TRDN: variants seen among roughly 807,000 people sequenced by gnomAD.
The protein encoded by TRDN is triadin.
A neutral mutation model predicts 149.7 loss-of-function variants in TRDN; 161 were observed. The ratio of observed to expected loss-of-function variants is 1.08; its 90% CI spans 0.95 to 1.23. TRDN has a LOEUF of 1.23. Ranked by LOEUF, TRDN falls within the 50% of genes most tolerant of loss-of-function variation. The pLI is 0.00. For missense variants in TRDN, 896 were observed against 823.5 expected, an observed-to-expected ratio of 1.09 and a Z score of -1.08; for synonymous variants, 294 against 250.5, an observed-to-expected ratio of 1.17 and a Z score of -1.64.
At chr6:123,359,276 T>C (rs185477217) in intron 20 of TRDN, among the ~76,000 whole-genome samples, 192 of 152,300 alleles carry the variant, frequency 1.3e-3, no homozygotes, top group African/African-American at 4.3e-3. Flanking sequence ...CATAGCATTA[T>C]AGGATTGTTG....
chr6:123,634,198 A>G (rs1404273916), intron 1 of TRDN, among the ~76,000 whole-genome samples: 1 of 152,014 alleles, frequency 6.6e-6, no homozygotes, highest in Admixed American at 6.6e-5. Flanking sequence ...TGGGAGGCAG[A>G]GGCAAGAGAA....
chr6:123,582,840 C>G (rs111679020), intron 1 of TRDN, among the ~76,000 whole-genome samples: 18,523 of 119,710 alleles, frequency 0.15, 1,245 homozygotes, highest in African/African-American at 0.23. Flanking sequence ...GGCGATGTTT[C>G]TCAGGGCTGC....
chr6:123,442,545 CAAA>C (rs1434202710), intron 10 of TRDN, among the ~76,000 whole-genome samples: 1 of 36,430 alleles, frequency 2.7e-5, no homozygotes, highest in Non-Finnish European at 5.8e-5. Context: ...GACTCCGTCT[CAAA>C]AAAAAAAAAA....
chr6:123,249,044 G>C (rs1320090502), intron 38 of TRDN, among the ~76,000 whole-genome samples: 1 of 152,084 alleles, frequency 6.6e-6, no homozygotes, highest in Non-Finnish European at 1.5e-5. Flanking sequence ...TCATCCCAGG[G>C]ATGCAAGGAT....
At chr6:123,389,277 T>A (rs780477519) in intron 13 of TRDN, 1 of 152,146 alleles carries the variant, frequency 6.6e-6, no homozygotes, top group Non-Finnish European at 1.5e-5. Context: ...TTCTGTGTAA[T>A]GTTTATCCAG....
intron 21 of TRDN, among the ~76,000 whole-genome samples, chr6:123,339,009 GT>G (rs948284222): frequency 2.0e-5 from 3 of 151,122 alleles, no homozygotes; most frequent in Non-Finnish European, 4.4e-5. Flanking sequence ...TGTATTAGGG[GT>G]TTTTTTTTGT....
intron 5 of TRDN, among the ~76,000 whole-genome samples, chr6:123,522,925 C>T (rs1471635988): frequency 1.3e-5 from 2 of 150,898 alleles, no homozygotes; most frequent in African/African-American, 2.4e-5. Context: ...AGCCCATATC[C>T]CTTTGTTCAT....
intron 12 of TRDN, among the ~76,000 whole-genome samples, chr6:123,394,176 G>A (rs981814880): frequency 1.3e-5 from 2 of 151,944 alleles, no homozygotes; most frequent in Admixed American, 6.6e-5. Context: ...TATTAGTGTG[G>A]CCCTGGGCAA....
chr6:123,576,494 C>A (rs1019579772), intron 1 of TRDN, among the ~76,000 whole-genome samples: 1 of 151,528 alleles, frequency 6.6e-6, no homozygotes, highest in Non-Finnish European at 1.5e-5. Flanking sequence ...TTTTATTTAT[C>A]TATTTATTTT....
intron 1 of TRDN, among the ~76,000 whole-genome samples, chr6:123,612,788 T>A (rs1293243184): frequency 6.6e-6 from 1 of 152,202 alleles, no homozygotes; most frequent in Non-Finnish European, 1.5e-5. Context: ...AATATTTAAC[T>A]ATAGGGTAGA....
intron 29 of TRDN, among the ~76,000 whole-genome samples, chr6:123,272,554 C>A (rs557281806): frequency 6.6e-6 from 1 of 151,714 alleles, no homozygotes; most frequent in East Asian, 1.9e-4. Context: ...GGAAAAGAAG[C>A]ATGGAGAAAT....
At chr6:123,616,589 A>G (rs1320875628) in intron 1 of TRDN, among the ~76,000 whole-genome samples, 1 of 152,118 alleles carries the variant, frequency 6.6e-6, no homozygotes, top group African/African-American at 2.4e-5. Context: ...ATGATTTCTT[A>G]CCACTTACAA....
At chr6:123,546,729 T>C (rs1033694446) in intron 4 of TRDN, among the ~76,000 whole-genome samples, 1 of 152,024 alleles carries the variant, frequency 6.6e-6, no homozygotes, top group African/African-American at 2.4e-5. Context: ...GGTTTATCGT[T>C]CTTATCATTC....
At chr6:123,442,516 C>T (rs561327668) in intron 10 of TRDN, among the ~76,000 whole-genome samples, 1 of 105,376 alleles carries the variant, frequency 9.5e-6, no homozygotes, top group Non-Finnish European at 1.8e-5. Context: ...ACTGCACTCC[C>T]GCCTGGGCCA....
chr6:123,388,638 C>T (rs909775366), intron 13 of TRDN, 87 bp from the exon 14 acceptor site: 8 of 1,481,706 alleles, frequency 5.4e-6, no homozygotes, highest in Non-Finnish European at 4.6e-6. Context: ...TCCACATATT[C>T]ATAAATTCAG....
At chr6:123,383,648 A>C (rs533715704) in intron 14 of TRDN, among the ~76,000 whole-genome samples, 122 of 152,238 alleles carry the variant, frequency 8.0e-4, no homozygotes, top group African/African-American at 2.8e-3. Flanking sequence ...TATTAACTAA[A>C]TAAGATAAAT....
chr6:123,373,333 G>A (rs1781391582), intron 19 of TRDN, among the ~76,000 whole-genome samples: 2 of 152,160 alleles, frequency 1.3e-5, no homozygotes, highest in African/African-American at 4.8e-5. Context: ...CATGTAAGAT[G>A]TGACTTGCTC....
At chr6:123,590,566 C>T (rs529304647) in intron 1 of TRDN, among the ~76,000 whole-genome samples, 31 of 152,188 alleles carry the variant, frequency 2.0e-4, no homozygotes, top group African/African-American at 7.2e-4. Flanking sequence ...AGTTTGAGAC[C>T]AGCCTGGCCA....
At chr6:123,278,966 CA>C in intron 25 of TRDN, 89 bp downstream of exon 25, 3 of 1,199,282 alleles carry the variant, frequency 2.5e-6, no homozygotes, top group Non-Finnish European at 3.5e-6. Flanking sequence ...AACATGAAAT[CA>C]AGATAAATAA....
Sources: allele counts gnomAD v4.1 joint callset (sites outside exome capture counted in the v4.1 genomes callset), GRCh38; gene constraint gnomAD v4.1.1; transcripts MANE v1.5; gene names NCBI Gene and HGNC (gene_info 2026-07-23, HGNC 2026-07-21).